VIT: variants seen among roughly 807,000 people sequenced by gnomAD.
The protein encoded by VIT is vitrin.
Under a neutral mutation model 78.0 loss-of-function variants are expected in VIT, and 99 were observed. That is an observed-to-expected ratio of 1.27 (90% CI 1.08 to 1.50). VIT has a LOEUF of 1.50. VIT is among the 40% of genes most tolerant of loss of function. The pLI is 0.00. For missense variants in VIT, 1,126 were observed against 875.3 expected (o/e 1.29, Z -3.61); for synonymous variants, 374 against 334.3 (o/e 1.12, Z -1.29).
At chr2:36,730,939 A>G (rs536476266) in intron 3 of VIT, among the ~76,000 whole-genome samples, 1 of 152,338 alleles carries the variant, frequency 6.6e-6, no homozygotes, top group Non-Finnish European at 1.5e-5. Flanking sequence ...AAAGGTGGGC[A>G]TGACAGTGTA....
intron 7 of VIT, among the ~76,000 whole-genome samples, chr2:36,768,698 A>G (rs986407971): frequency 6.6e-6 from 1 of 152,162 alleles, no homozygotes; most frequent in African/African-American, 2.4e-5. Flanking sequence ...GCAGGGGAGC[A>G]TCCCTGCCAA....
chr2:36,773,490 G>A (rs1416971655), intron 7 of VIT, among the ~76,000 whole-genome samples: 1 of 152,134 alleles, frequency 6.6e-6, no homozygotes, highest in African/African-American at 2.4e-5. Flanking sequence ...CATGCCTTGG[G>A]AGGCTGAGGC....
chr2:36,711,674 C>A (rs1378423574), intron 1 of VIT, among the ~76,000 whole-genome samples: 1 of 152,182 alleles, frequency 6.6e-6, no homozygotes, highest in Non-Finnish European at 1.5e-5. Flanking sequence ...GCTCTAGAAA[C>A]TGAACAGTGA....
At chr2:36,782,842 A>T (rs904487616) in intron 10 of VIT, among the ~76,000 whole-genome samples, 2 of 152,174 alleles carry the variant, frequency 1.3e-5, no homozygotes, top group South Asian at 2.1e-4. Flanking sequence ...ACTTTTAAAT[A>T]AACTGTCTTC....
intron 1 of VIT, among the ~76,000 whole-genome samples, chr2:36,714,843 G>T (rs1039654739): frequency 4.6e-5 from 7 of 152,078 alleles, no homozygotes; most frequent in Non-Finnish European, 7.4e-5. Context: ...GTATTGGGTG[G>T]ATTCAAAACA....
At chr2:36,757,181 T>A (rs1042138550) in intron 5 of VIT, among the ~76,000 whole-genome samples, 1 of 152,230 alleles carries the variant, frequency 6.6e-6, no homozygotes, top group African/African-American at 2.4e-5. Context: ...CAAGTTTAAC[T>A]GCATGATGTC....
At chr2:36,802,054 C>A (rs1019514630) in intron 13 of VIT, among the ~76,000 whole-genome samples, 1 of 152,146 alleles carries the variant, frequency 6.6e-6, no homozygotes, top group Non-Finnish European at 1.5e-5. Context: ...AATCAACTAC[C>A]GTTGTAGTGA....
chr2:36,775,148 C>A, intron 9 of VIT, 81 bp downstream of exon 9: 1 of 1,529,020 alleles, frequency 6.5e-7, no homozygotes, highest in South Asian at 1.2e-5. Flanking sequence ...CCTCCCCACA[C>A]ACTTGTTCTT....
chr2:36,808,330 A>G, intron 14 of VIT, 142 bp from the exon 15 acceptor site: 1 of 1,211,066 alleles, frequency 8.3e-7, no homozygotes, highest in South Asian at 1.7e-5. Context: ...GGGTGAACCG[A>G]GATGGAAGAA....
intron 5 of VIT, among the ~76,000 whole-genome samples, chr2:36,756,949 G>T (rs1668802473): frequency 6.6e-6 from 1 of 152,158 alleles, no homozygotes; most frequent in African/African-American, 2.4e-5. Context: ...AAATCAATCT[G>T]CTGATATTAT....
chr2:36,742,528 T>C (rs1443071333), intron 3 of VIT, among the ~76,000 whole-genome samples: 1 of 152,100 alleles, frequency 6.6e-6, no homozygotes, highest in Non-Finnish European at 1.5e-5. Context: ...TGTCCAGAAG[T>C]CTTTCATTGC....
At chr2:36,734,683 C>T (rs974322652) in intron 3 of VIT, among the ~76,000 whole-genome samples, 6 of 152,190 alleles carry the variant, frequency 3.9e-5, no homozygotes, top group African/African-American at 4.8e-5. Flanking sequence ...ATGGGGTTCC[C>T]ACTGATTTTG....
intron 13 of VIT, among the ~76,000 whole-genome samples, chr2:36,804,240 C>G (rs879812448): frequency 1.3e-5 from 2 of 152,218 alleles, no homozygotes; most frequent in Non-Finnish European, 2.9e-5. Flanking sequence ...GGCCACACAG[C>G]TAGCAGGTAG....
In VIT at chr2:36,808,491, G is replaced by C; in HGVS notation, c.1409G>C (p.Gly470Ala). Residue 470 changes from glycine (G) to alanine (A), a missense_variant, in exon 15 of 16, where the codon GGC becomes GCC. By Grantham distance (60) the Gly-to-Ala change is moderately conservative (BLOSUM62 0). Transcript: ENST00000379242. ...TTCTAGGCCGTGTGCAGAACAAACG[G>C]CTTCTACTCGCTCCACGTGCAGAGC... ...FANKAVCRTNGFYSLHVQSWF... is the reference protein window; with the variant it reads ...FANKAVCRTNAFYSLHVQSWF... 1 of 1,609,796 alleles carries C rather than the reference G, an allele frequency of 6.2e-7. No individual in the cohort carries two copies. Among genetic ancestry groups the C allele is most frequent in the Non-Finnish European group, 8.5e-7 (1 of 1,176,772 alleles).
intron 7 of VIT, among the ~76,000 whole-genome samples, chr2:36,772,386 A>G (rs1669816107): frequency 6.6e-6 from 1 of 152,208 alleles, no homozygotes. Flanking sequence ...AAAATACAAA[A>G]TTAGCCGGGC....
At chr2:36,737,396 A>G (rs1369335021) in intron 3 of VIT, among the ~76,000 whole-genome samples, 2 of 152,188 alleles carry the variant, frequency 1.3e-5, no homozygotes, top group Non-Finnish European at 2.9e-5. Flanking sequence ...GACTCCTGAG[A>G]GTTTTCTAAG....
In VIT at chr2:36,710,948, T is replaced by C. The variant is rs114417677; in HGVS notation, c.-18-5405T>C. On this transcript the variant is annotated intron_variant, in intron 1 of 15. Coordinates refer to ENST00000379242, the MANE Select transcript of VIT (RefSeq NM_053276.4). Reference sequence around the variant, plus strand: ...GAAGTGAAATGGCTGCAACATATGGTGGGAATATATTTAGCTTTTTAACTT... The same window carrying C: ...GAAGTGAAATGGCTGCAACATATGGCGGGAATATATTTAGCTTTTTAACTT... Among the ~76,000 whole-genome samples, 242 of 152,290 alleles carry C rather than the reference T, an allele frequency of 1.6e-3. 3 individuals carry two copies. Among genetic ancestry groups the C allele is most frequent in the African/African-American group, 5.6e-3 (234 of 41,554 alleles).
chr2:36,773,222 A>C (rs1008535691), intron 7 of VIT, among the ~76,000 whole-genome samples: 44 of 152,352 alleles, frequency 2.9e-4, no homozygotes, highest in East Asian at 3.9e-4. Flanking sequence ...AGTGTAAAGA[A>C]ATATGGCATT....
intron 15 of VIT, among the ~76,000 whole-genome samples, chr2:36,813,218 G>A (rs1044179474): frequency 5.3e-5 from 8 of 151,806 alleles, no homozygotes; most frequent in African/African-American, 1.9e-4. Flanking sequence ...GGGAGGCCGA[G>A]GCAGGAGGAT....
Sources: gnomAD v4.1 joint callset for allele counts (sites outside exome capture counted in the v4.1 genomes callset) on GRCh38, gnomAD v4.1.1 for gene constraint, MANE v1.5 for transcripts, NCBI Gene and HGNC (gene_info 2026-07-23, HGNC 2026-07-21) for gene names.